CCDC171: variants seen among roughly 807,000 people sequenced by gnomAD.
CCDC171 encodes the protein coiled-coil domain-containing protein 171.
CCDC171 carries 177 observed loss-of-function variants against 168.2 expected under a neutral mutation model. The ratio of observed to expected loss-of-function variants is 1.05; its 90% CI spans 0.93 to 1.19. CCDC171 has a LOEUF of 1.19. CCDC171 is among the 50% of genes most tolerant of loss of function. The pLI, the probability that CCDC171 is intolerant of heterozygous loss-of-function variation, is 0.00. For missense variants in CCDC171, 1,991 were observed against 1,539.0 expected (o/e 1.29, Z -4.91); for synonymous variants, 687 against 540.8 (o/e 1.27, Z -3.75).
the CCDC171 span, among the ~76,000 whole-genome samples, chr9:16,107,461 T>A: frequency 6.6e-6 from 1 of 152,208 alleles, no homozygotes; most frequent in Non-Finnish European, 1.5e-5. Flanking sequence ...CCATGGAGAA[T>A]GTATTTTATA....
At chr9:15,590,029 C>T (rs1314124107) in intron 4 of CCDC171, among the ~76,000 whole-genome samples, 5 of 152,140 alleles carry the variant, frequency 3.3e-5, no homozygotes, top group Non-Finnish European at 5.9e-5. Flanking sequence ...CTACTGCAGG[C>T]ATAGCATTAT....
At chr9:15,924,140 C>G (rs1825646785) in intron 25 of CCDC171, among the ~76,000 whole-genome samples, 1 of 151,544 alleles carries the variant, frequency 6.6e-6, no homozygotes, top group South Asian at 2.1e-4. Context: ...AAGCTCCAAA[C>G]AGATTTCTGC....
chr9:15,773,703 A>ATT (rs71325932), intron 18 of CCDC171, among the ~76,000 whole-genome samples: 49 of 151,154 alleles, frequency 3.2e-4, no homozygotes, highest in East Asian at 1.9e-3. Context: ...TCACTAGAGG[A>ATT]TTTTTTTTTG....
chr9:15,963,884 A>G (rs1417381957), intron 25 of CCDC171, among the ~76,000 whole-genome samples: 1 of 152,198 alleles, frequency 6.6e-6, no homozygotes. Flanking sequence ...TCTCTAAGCT[A>G]AATTAGTTAT....
chr9:15,651,825 G>GTTGT (rs151208170), intron 7 of CCDC171, among the ~76,000 whole-genome samples: 90 of 152,062 alleles, frequency 5.9e-4, no homozygotes, highest in African/African-American at 1.8e-3. Context: ...TTTCTATGAA[G>GTTGT]TTGTTTGTTT....
At chr9:15,986,115 A>G (rs1831978337) in intron 3 of CCDC171, among the ~76,000 whole-genome samples, 2 of 152,256 alleles carry the variant, frequency 1.3e-5, no homozygotes, top group Non-Finnish European at 2.9e-5. Flanking sequence ...GCAATTAATG[A>G]TTGTGAAATC....
chr9:15,809,961 G>A (rs544948922), intron 21 of CCDC171, among the ~76,000 whole-genome samples: 13 of 152,100 alleles, frequency 8.5e-5, no homozygotes, highest in South Asian at 2.1e-4. Flanking sequence ...TGATTGGTCC[G>A]TTTTGACAGG....
At chr9:15,904,720 G>C (rs1822259474) in intron 24 of CCDC171, among the ~76,000 whole-genome samples, 1 of 151,980 alleles carries the variant, frequency 6.6e-6, no homozygotes, top group African/African-American at 2.4e-5. Context: ...AAAAGACACA[G>C]ACTGGCAAAT....
intron 6 of CCDC171, among the ~76,000 whole-genome samples, chr9:15,596,003 C>T (rs2042320229): frequency 6.6e-6 from 1 of 151,730 alleles, no homozygotes; most frequent in Admixed American, 6.6e-5. Flanking sequence ...TTGTTTTTTT[C>T]CTGTAAATTT....
At chr9:15,940,842 G>A (rs1055589919) in intron 25 of CCDC171, among the ~76,000 whole-genome samples, 1 of 151,802 alleles carries the variant, frequency 6.6e-6, no homozygotes, top group Non-Finnish European at 1.5e-5. Flanking sequence ...GGGCAACCTA[G>A]TGAGACCCTA....
chr9:15,994,490 C>T (rs555610693), intron 3 of CCDC171, among the ~76,000 whole-genome samples: 10 of 152,098 alleles, frequency 6.6e-5, no homozygotes, highest in African/African-American at 9.7e-5. Flanking sequence ...ATGTAAATGA[C>T]GAGTTAATGG....
upstream of CCDC171, among the ~76,000 whole-genome samples, chr9:16,042,438 A>G (rs1833587927): frequency 6.6e-6 from 1 of 152,136 alleles, no homozygotes; most frequent in Admixed American, 6.5e-5. Flanking sequence ...TTCAGGAAAG[A>G]CTCAATGATT....
chr9:15,698,564 G>T lies in CCDC171; in HGVS notation c.1318+3227G>T, dbSNP rs1370383312. ...AGGAACATAGGATATTTGTCTTTCA[G>T]TGCCTGGCTTATTTAACTTAACATA... On this transcript the variant is annotated intron_variant, in intron 11 of 25. Transcript: ENST00000380701. Among the ~76,000 whole-genome samples the T allele has an allele frequency of 2.0e-5, 3 of 149,746 alleles. No homozygotes were observed. The East Asian group carries it at 5.8e-4, about 29-fold the overall frequency.
intron 21 of CCDC171, among the ~76,000 whole-genome samples, chr9:15,807,787 A>G (rs1051237534): frequency 2.0e-5 from 3 of 151,462 alleles, no homozygotes; most frequent in African/African-American, 7.3e-5. Flanking sequence ...CCTTTTAGCT[A>G]TCTCAGGCAC....
upstream of CCDC171, among the ~76,000 whole-genome samples, chr9:16,041,067 C>T (rs1466758719): frequency 1.3e-5 from 2 of 152,030 alleles, no homozygotes; most frequent in East Asian, 3.9e-4. Flanking sequence ...AATTGGGTGC[C>T]CAACATTAAA....
chr9:15,784,411 A>G, intron 20 of CCDC171, 98 bp from the exon 21 acceptor site: 2 of 661,084 alleles, frequency 3.0e-6, no homozygotes, highest in South Asian at 6.8e-5. Flanking sequence ...TCAAGTGCCT[A>G]GAAATGTTTG....
At chr9:15,699,279 G>A (rs10738403) in intron 11 of CCDC171, among the ~76,000 whole-genome samples, 2 of 151,654 alleles carry the variant, frequency 1.3e-5, no homozygotes, top group South Asian at 2.1e-4. Context: ...GGGCTCGTGG[G>A]CTCGCTGGCT....
chr9:15,747,329 G>C (rs1236347190), intron 18 of CCDC171, among the ~76,000 whole-genome samples: 2 of 152,208 alleles, frequency 1.3e-5, no homozygotes, highest in Non-Finnish European at 2.9e-5. Context: ...AGCTTCTGCA[G>C]ACTTAAACAT....
intron 2 of CCDC171, among the ~76,000 whole-genome samples, chr9:15,567,334 CT>C (rs1198777048): frequency 2.0e-5 from 3 of 152,080 alleles, no homozygotes; most frequent in Non-Finnish European, 2.9e-5. Context: ...ATCACATTGT[CT>C]TGATTACTGT....
Sources: gnomAD v4.1 joint callset for allele counts (sites outside exome capture counted in the v4.1 genomes callset) on GRCh38, gnomAD v4.1.1 for gene constraint, MANE v1.5 for transcripts, NCBI Gene and HGNC (gene_info 2026-07-23, HGNC 2026-07-21) for gene names.